SLC9A8: variants seen among roughly 807,000 people sequenced by gnomAD.
The protein encoded by SLC9A8 is sodium/hydrogen exchanger 8.
Under a neutral mutation model 66.6 loss-of-function variants are expected in SLC9A8, and 48 were observed. The ratio of observed to expected loss-of-function variants is 0.72; its 90% CI spans 0.57 to 0.92. The LOEUF (loss-of-function observed/expected upper bound fraction) is 0.92. Among genes scored for constraint, SLC9A8 ranks in the 40% least tolerant of loss-of-function variants. The probability of loss-of-function intolerance (pLI) is 0.00; values close to 1 mark genes in which losing one functional copy is unlikely to be tolerated. For missense variants in SLC9A8, 599 were observed against 747.3 expected (o/e 0.80, Z 2.31); for synonymous variants, 274 against 282.6 (o/e 0.97, Z 0.31).
intron 4 of SLC9A8, among the ~76,000 whole-genome samples, chr20:49,842,028 C>T (rs1328051141): frequency 4.6e-5 from 7 of 151,652 alleles, no homozygotes; most frequent in East Asian, 1.9e-4. Flanking sequence ...GATTGAGCCA[C>T]GTGGCCTATA....
chr20:49,829,737 C>T, intron 3 of SLC9A8: 1 of 514,032 alleles, frequency 1.9e-6, no homozygotes, highest in South Asian at 1.6e-5. Flanking sequence ...AGACGTCATC[C>T]CACAATTCTG....
At chr20:49,859,901 C>T (rs186772713) in intron 8 of SLC9A8, among the ~76,000 whole-genome samples, 88 of 152,250 alleles carry the variant, frequency 5.8e-4, no homozygotes, top group African/African-American at 2.0e-3. Flanking sequence ...TAGAAAATTA[C>T]CAGGCCAGAA....
intron 11 of SLC9A8, among the ~76,000 whole-genome samples, chr20:49,875,274 T>TAA (rs33958043): frequency 3.7e-4 from 46 of 123,296 alleles, no homozygotes; most frequent in African/African-American, 1.1e-3. Context: ...GCTATGATCT[T>TAA]AAAAAAAAAA....
chr20:49,864,697 C>CA (rs776856026), intron 9 of SLC9A8, 42 bp from the exon 10 acceptor site: 1 of 1,406,670 alleles, frequency 7.1e-7, no homozygotes, highest in Non-Finnish European at 1.0e-6. Context: ...CATCTCCCAT[C>CA]AACTCTCCCT....
chr20:49,826,176 G>C (rs1379516921), intron 3 of SLC9A8, among the ~76,000 whole-genome samples: 1 of 152,236 alleles, frequency 6.6e-6, no homozygotes, highest in East Asian at 1.9e-4. Flanking sequence ...CTGAGGTCCA[G>C]AAAGTACTTT....
rs150552680 is a variant in SLC9A8, at chr20:49,868,668, T to A, written c.958+3824T>A. 2.0e-3 allele frequency among the ~76,000 whole-genome samples: 306 copies of A among 152,324 alleles called. 1 individual carries two copies. Among genetic ancestry groups the A allele is most frequent in the African/African-American group, 7.1e-3 (293 of 41,560 alleles). On this transcript the variant is annotated intron_variant, in intron 10 of 15. Transcript: ENST00000361573. ...GACAGACTTGGATTTGAATCCCAGC[T>A]CCACCTCTTATTGGCTGTGTAACCT... is the stretch of plus-strand genomic sequence containing the variant.
At chr20:49,857,405 G>T (rs1347197572) in intron 8 of SLC9A8, among the ~76,000 whole-genome samples, 1 of 152,208 alleles carries the variant, frequency 6.6e-6, no homozygotes, top group Non-Finnish European at 1.5e-5. Flanking sequence ...GACTAGATTT[G>T]AGGACTGAAT....
At chr20:49,882,404 G>A (rs1258292179) in intron 13 of SLC9A8, among the ~76,000 whole-genome samples, 1 of 152,150 alleles carries the variant, frequency 6.6e-6, no homozygotes, top group African/African-American at 2.4e-5. Context: ...CTCTTCCCCG[G>A]CCTCTGGGCC....
At chr20:49,833,332 C>T (rs1428978902) in intron 3 of SLC9A8, among the ~76,000 whole-genome samples, 1 of 151,730 alleles carries the variant, frequency 6.6e-6, no homozygotes, top group East Asian at 1.9e-4. Flanking sequence ...TTTATTTTTG[C>T]TTTGTTTTTA....
intron 3 of SLC9A8, among the ~76,000 whole-genome samples, chr20:49,828,629 A>G (rs1306986762): frequency 1.3e-5 from 2 of 151,198 alleles, no homozygotes; most frequent in African/African-American, 2.4e-5. Context: ...CCTTGAGGTC[A>G]GGAGTTTGAA....
At chr20:49,834,185 CTA>C (rs377091649) in intron 3 of SLC9A8, among the ~76,000 whole-genome samples, 1,223 of 34,402 alleles carry the variant, frequency 0.036, 24 homozygotes, top group Middle Eastern at 0.069. Context: ...CTCTCTCTCT[CTA>C]TATATATATA....
intron 15 of SLC9A8, among the ~76,000 whole-genome samples, chr20:49,887,160 G>A (rs978601850): frequency 2.0e-5 from 3 of 152,218 alleles, no homozygotes; most frequent in Non-Finnish European, 4.4e-5. Context: ...TAGACTCGGG[G>A]TATTGATCAG....
In SLC9A8 at chr20:49,886,597, C is replaced by T. The variant is rs559683552; in HGVS notation, c.1492-155C>T. 5.3e-5 allele frequency: 44 copies of T among 837,226 alleles called. 1 individual carries two copies. The South Asian group carries it at 7.6e-4, about 14-fold the overall frequency. The allele number at this position is 837,226 out of a possible 1,614,324, so 51.9% of individuals were successfully genotyped here. ...GGACGTTCCTGCCTCCCTGCAGGCTCCCAGGAGGCCGTCTGCTGCCCGTCA... is the reference window on the plus strand; with the variant it reads ...GGACGTTCCTGCCTCCCTGCAGGCTTCCAGGAGGCCGTCTGCTGCCCGTCA... On this transcript the variant is annotated intron_variant, in intron 14 of 15. Transcript: ENST00000361573. The surrounding 1 kb of genome is among the most constrained non-coding windows in gnomAD (Gnocchi z 4.8).
intron 3 of SLC9A8, among the ~76,000 whole-genome samples, chr20:49,826,716 T>G (rs762461087): frequency 3.9e-5 from 6 of 152,238 alleles, no homozygotes; most frequent in Non-Finnish European, 8.8e-5. Flanking sequence ...TATGGAATTC[T>G]GTAGTTTGGG....
chr20:49,838,170 C>G (rs1465481315), intron 3 of SLC9A8, among the ~76,000 whole-genome samples: 3 of 152,148 alleles, frequency 2.0e-5, no homozygotes, highest in East Asian at 1.9e-4. Flanking sequence ...AGTTGGTTAC[C>G]TTGGGCTAGG....
At chr20:49,847,516 A>G (rs1268656118) in intron 5 of SLC9A8, among the ~76,000 whole-genome samples, 5 of 152,010 alleles carry the variant, frequency 3.3e-5, no homozygotes, top group Non-Finnish European at 5.9e-5. Flanking sequence ...AGGGACTGAT[A>G]GGATTATGAA....
intron 3 of SLC9A8, among the ~76,000 whole-genome samples, chr20:49,827,004 C>T (rs1009601590): frequency 4.0e-5 from 6 of 151,476 alleles, no homozygotes; most frequent in Admixed American, 1.3e-4. Flanking sequence ...AGTGCAATCA[C>T]GATCTTGGCG....
chr20:49,869,244 G>C (rs1351918617), intron 10 of SLC9A8, among the ~76,000 whole-genome samples: 1 of 152,070 alleles, frequency 6.6e-6, no homozygotes, highest in African/African-American at 2.4e-5. Flanking sequence ...TTTTGAGGCA[G>C]AGTTTCGCTC....
chr20:49,842,038 A>G (rs1401043684), intron 4 of SLC9A8, among the ~76,000 whole-genome samples: 1 of 150,406 alleles, frequency 6.6e-6, no homozygotes, highest in Admixed American at 6.6e-5. Context: ...CGTGGCCTAT[A>G]TATTTATTTT....
Sources: gnomAD v4.1 joint callset for allele counts (sites outside exome capture counted in the v4.1 genomes callset) on GRCh38, gnomAD v4.1.1 for gene constraint, Gnocchi (gnomAD v3.1) non-coding constraint, MANE v1.5 for transcripts, NCBI Gene and HGNC (gene_info 2026-07-23, HGNC 2026-07-21) for gene names.